Variants in TRPM1 observed in about 807,000 individuals in gnomAD.
TRPM1 encodes the protein TRPM1-203 APA Isoform, Intron 10.
In TRPM1, 113 loss-of-function variants were observed where a neutral mutation model predicts 149.4. The observed-to-expected ratio is 0.76, with a 90% CI of 0.65 to 0.88. The LOEUF (loss-of-function observed/expected upper bound fraction) is 0.88. Among genes scored for constraint, TRPM1 ranks in the 40% least tolerant of loss-of-function variants. The pLI is 0.00. For synonymous variants in TRPM1, 741 were observed against 759.5 expected, an observed-to-expected ratio of 0.98 and a Z score of 0.40; for missense variants, 1,976 against 2,038.7, an observed-to-expected ratio of 0.97 and a Z score of 0.59.
Position 31,001,965 on chromosome 15 carries a change from G to A in TRPM1, c.4735C>T (p.Pro1579Ser), listed in dbSNP as rs767816119. Residue 1579 changes from proline (P) to serine (S), a missense_variant, in exon 28 of 28, where the codon CCT becomes TCT. Physicochemically the swap from Pro to Ser is moderately conservative, Grantham distance 74. Transcript: ENST00000256552. ...SLRSKSLHGH[P>S]RNVKSIQGKL... ...CCCTGAATGGATTTCACATTCCTAGGATGTCCATGTAAACTTTTTGACCTG... is the reference window on the plus strand; with the variant it reads ...CCCTGAATGGATTTCACATTCCTAGAATGTCCATGTAAACTTTTTGACCTG... 9.9e-6 allele frequency: 16 copies of A among 1,614,130 alleles called. No individual in the cohort carries two copies. The South Asian group carries it at 1.5e-4, about 16-fold the overall frequency.
chr15:31,061,331 C>T (rs1289026434), intron 10 of TRPM1, 111 bp downstream of exon 10: 1 of 1,078,658 alleles, frequency 9.3e-7, no homozygotes, highest in Non-Finnish European at 1.4e-6. Flanking sequence ...AGTGGCCTGG[C>T]TGGCTCAGGG....
At chr15:31,079,052 G>A (rs2034787113) in intron 2 of TRPM1, among the ~76,000 whole-genome samples, 1 of 152,172 alleles carries the variant, frequency 6.6e-6, no homozygotes, top group Non-Finnish European at 1.5e-5. Context: ...AGGTCACAAT[G>A]AACCTTGTAG....
rs767801937 is a variant in TRPM1 at position 31,002,971 on chromosome 15, T to C, written c.3729A>G (p.Glu1243=). 2.5e-6 allele frequency: 4 copies of C among 1,598,118 alleles called. No homozygotes were observed. The African/African-American group carries it at 5.4e-5, about 22-fold the overall frequency. ...CATTCACCATTCTGTTAGATAATTC[T>C]TCTAGCTGAGCAAGTCGAAGGTCAA... is the stretch of plus-strand genomic sequence containing the variant. ...QTVDLRLAQL[E]ELSNRMVNAL... is the part of the protein sequence containing the mutation. The change falls in exon 28 of 28, where the codon GAA becomes GAG. Residue 1243 remains glutamate (E), a synonymous_variant. Transcript: ENST00000256552.
chr15:31,139,307 C>G (rs999460237), intron 1 of TRPM1, among the ~76,000 whole-genome samples: 2 of 152,170 alleles, frequency 1.3e-5, no homozygotes, highest in Non-Finnish European at 2.9e-5. Flanking sequence ...TTTTAAGAGT[C>G]CTGCCTTTGG....
intron 1 of TRPM1, among the ~76,000 whole-genome samples, chr15:31,083,954 T>C (rs543113308): frequency 3.3e-5 from 5 of 152,142 alleles, no homozygotes; most frequent in Non-Finnish European, 7.4e-5. Context: ...TGAAACCTAT[T>C]GTCCTCTGCT....
chr15:31,148,378 G>A (rs1300838699), intron 1 of TRPM1, among the ~76,000 whole-genome samples: 1 of 152,208 alleles, frequency 6.6e-6, no homozygotes, highest in Non-Finnish European at 1.5e-5. Context: ...GAGCCTTCTG[G>A]TGGCCTGGCT....
At chr15:31,050,196 C>A (rs74010757) in intron 12 of TRPM1, among the ~76,000 whole-genome samples, 19 of 152,326 alleles carry the variant, frequency 1.2e-4, no homozygotes, top group African/African-American at 4.1e-4. Context: ...ATCATTCCCC[C>A]CAAAGCAGGA....
chr15:31,131,636 G>T (rs1033978433), intron 1 of TRPM1, among the ~76,000 whole-genome samples: 1 of 152,198 alleles, frequency 6.6e-6, no homozygotes, highest in Non-Finnish European at 1.5e-5. Flanking sequence ...GTGGATGAAG[G>T]GGGGACTGCT....
intron 2 of TRPM1, among the ~76,000 whole-genome samples, chr15:31,079,192 A>T (rs575945532): frequency 6.6e-6 from 1 of 152,374 alleles, no homozygotes; most frequent in Non-Finnish European, 1.5e-5. Context: ...GATATAACAT[A>T]TTGCATTAAT....
intron 1 of TRPM1, among the ~76,000 whole-genome samples, chr15:31,088,301 A>G (rs187040521): frequency 2.0e-5 from 3 of 152,346 alleles, no homozygotes; most frequent in Admixed American, 1.3e-4. Context: ...GCTGGTCACC[A>G]GCGCCAGCCC....
chr15:31,110,827 C>T (rs905172658), intron 1 of TRPM1, among the ~76,000 whole-genome samples: 2 of 151,646 alleles, frequency 1.3e-5, no homozygotes, highest in African/African-American at 4.8e-5. Context: ...TCATTTTTTT[C>T]TCCTTTCTGT....
At chr15:31,153,700 G>A (rs1021177858) in intron 1 of TRPM1, among the ~76,000 whole-genome samples, 1 of 152,114 alleles carries the variant, frequency 6.6e-6, no homozygotes, top group Non-Finnish European at 1.5e-5. Context: ...TCATCTGGAA[G>A]CCTCCCCTCC....
chr15:31,033,000 A>C (rs1202609488), intron 21 of TRPM1, 60 bp from the exon 22 acceptor site: 1 of 1,608,162 alleles, frequency 6.2e-7, no homozygotes, highest in Non-Finnish European at 8.5e-7. Context: ...CTTGTCTTAG[A>C]ATCTTGGAAC....
At chr15:31,114,284 C>A (rs2035767182) in intron 1 of TRPM1, among the ~76,000 whole-genome samples, 1 of 152,166 alleles carries the variant, frequency 6.6e-6, no homozygotes, top group Non-Finnish European at 1.5e-5. Flanking sequence ...GTTTTCTGTT[C>A]CTGTGTTAAT....
intron 1 of TRPM1, among the ~76,000 whole-genome samples, chr15:31,091,659 C>T (rs2035243939): frequency 6.6e-6 from 1 of 152,040 alleles, no homozygotes; most frequent in Non-Finnish European, 1.5e-5. Flanking sequence ...GGCGGGAGAA[C>T]CCCCCAAAGA....
chr15:31,072,403 T>G (rs1428507182), intron 3 of TRPM1, among the ~76,000 whole-genome samples: 1 of 152,174 alleles, frequency 6.6e-6, no homozygotes, highest in African/African-American at 2.4e-5. Flanking sequence ...TGGATGAACA[T>G]TTTGTTTATC....
chr15:31,069,595 T>C (rs965551866), intron 4 of TRPM1: 10 of 1,269,820 alleles, frequency 7.9e-6, no homozygotes, highest in Admixed American at 3.7e-5. Context: ...TGAGGGACCT[T>C]GGTCCTTCTC....
At chr15:31,061,354 A>C in intron 10 of TRPM1, 88 bp downstream of exon 10, 1 of 1,324,444 alleles carries the variant, frequency 7.6e-7, no homozygotes, top group Non-Finnish European at 1.1e-6. Flanking sequence ...TAGCACCAGC[A>C]GACATAGTCC....
In TRPM1 at chr15:31,047,169, C is replaced by T. The variant is rs767802403; in HGVS notation, c.1706G>A (p.Cys569Tyr). 5 of 1,614,228 alleles carry T rather than the reference C, an allele frequency of 3.1e-6. No individual in the cohort carries two copies. In the Admixed American group the frequency reaches 8.3e-5, roughly 27 times the overall value. Residue 569 changes from cysteine to tyrosine, a missense_variant, in exon 15 of 28, where the codon TGC becomes TAC. Physicochemically the swap from Cys to Tyr is radical, Grantham distance 194 (BLOSUM62 -2). This residue lies in a region of TRPM1 where 1,332 missense variants were observed against 1,347.1 expected (regional missense o/e 0.99). Coordinates refer to ENST00000256552, the MANE Select transcript of TRPM1 (RefSeq NM_001252024.2). ...CCGAAAGTTTTTCCGAGTGTAGTTG[C>T]AGCGGTAGGCTCCTCCCATGAGGTA... ...LEYLMGGAYR[C>Y]NYTRKNFRTL...
Sources: gnomAD v4.1 joint callset for allele counts (sites outside exome capture counted in the v4.1 genomes callset) on GRCh38, gnomAD v4.1.1 for gene constraint, gnomAD v4.1.1 regional missense constraint, MANE v1.5 for transcripts, NCBI Gene and HGNC (gene_info 2026-07-23, HGNC 2026-07-21) for gene names.